TMEM63C: variants seen among roughly 807,000 people sequenced by gnomAD.
TMEM63C encodes osmosensitive cation channel TMEM63C.
In TMEM63C, 32 loss-of-function variants were observed where a neutral mutation model predicts 99.2. The observed-to-expected ratio is 0.32, with a 90% CI of 0.24 to 0.43. TMEM63C has a LOEUF of 0.43. TMEM63C is among the 20% of genes least tolerant of loss of function. The probability of loss-of-function intolerance (pLI) is 1.00; values close to 1 mark genes in which losing one functional copy is unlikely to be tolerated. For missense variants in TMEM63C, 826 were observed against 1,053.0 expected (o/e 0.78, Z 2.98); for synonymous variants, 376 against 397.9 (o/e 0.94, Z 0.66).
Position 77,246,600 on chromosome 14 carries a change from T to G in TMEM63C, c.1536-9T>G. 1 of 1,611,916 alleles carries G rather than the reference T, an allele frequency of 6.2e-7. No individual in the cohort carries two copies. The highest frequency in any genetic ancestry group is 8.5e-7 in the Non-Finnish European group (1 of 1,178,880). ...CTAACTAACAGACCTGCCTTGTTTT[T>G]GCTTCTAGTTTGGATGTCTTTCTCC... On this transcript the variant is annotated splice_polypyrimidine_tract_variant and intron_variant, in intron 17 of 23. Transcript: ENST00000298351.
chr14:77,231,636 C>T lies in TMEM63C; in HGVS notation c.399C>T (p.Ile133=), dbSNP rs200672502. The T allele has an allele frequency of 6.4e-6, 10 of 1,551,638 alleles. No homozygotes were observed. The Admixed American group carries it at 7.8e-5, about 12-fold the overall frequency. ...GTGGGGACGACGCGCGCATCTACAT[C>T]GTGTTCCAGTACCACCTCATCATCT... ...NKCGDDARIY[I]VFQYHLIIFV... The change falls in exon 7 of 24, where the codon ATC becomes ATT. Residue 133 remains isoleucine (I), a synonymous_variant. Transcript: ENST00000298351.
intron 6 of TMEM63C, among the ~76,000 whole-genome samples, chr14:77,227,050 G>A (rs1888841504): frequency 6.6e-6 from 1 of 152,212 alleles, no homozygotes; most frequent in African/African-American, 2.4e-5. Context: ...TTACAGGCAT[G>A]AGCCACCGCA....
chr14:77,239,335 G>T, intron 10 of TMEM63C, 77 bp from the exon 11 acceptor site: 1 of 1,489,544 alleles, frequency 6.7e-7, no homozygotes, highest in Non-Finnish European at 9.3e-7. Flanking sequence ...CCTCAGGGCC[G>T]ACATGCTGGG....
chr14:77,240,469 C>A lies in TMEM63C; in HGVS notation c.931-6C>A. On this transcript the variant is annotated splice_polypyrimidine_tract_variant and splice_region_variant and intron_variant, in intron 12 of 23. Coordinates refer to ENST00000298351, the MANE Select transcript of TMEM63C (RefSeq NM_020431.4). ...CCCCAGCCCTGAAGGCTGCCTGCCA[C>A]CCCAGGTGGATGCAGAGCAGTATTA... 6.2e-7 allele frequency: 1 copy of A among 1,607,370 alleles called. No homozygotes were observed. The highest frequency in any genetic ancestry group is 8.5e-7 in the Non-Finnish European group (1 of 1,179,248).
intron 1 of TMEM63C, among the ~76,000 whole-genome samples, chr14:77,197,730 A>G (rs1888235548): frequency 6.6e-6 from 1 of 152,202 alleles, no homozygotes; most frequent in Non-Finnish European, 1.5e-5. Context: ...ATGACTCCCC[A>G]TTGTCTAGTT....
chr14:77,219,945 G>A, intron 4 of TMEM63C, 61 bp from the exon 5 acceptor site: 1 of 1,490,086 alleles, frequency 6.7e-7, no homozygotes, highest in Non-Finnish European at 9.1e-7. Context: ...GAGGGAGCAG[G>A]GCAGGCAGCT....
chr14:77,220,923 C>G (rs1303827300), intron 5 of TMEM63C, among the ~76,000 whole-genome samples: 796 of 13,684 alleles, frequency 0.058, 173 homozygotes, highest in South Asian at 0.13. Context: ...CTCACGCCTC[C>G]TCTCCCACCC....
At chr14:77,193,455 G>A (rs1372080953) in intron 1 of TMEM63C, among the ~76,000 whole-genome samples, 1 of 152,164 alleles carries the variant, frequency 6.6e-6, no homozygotes, top group Non-Finnish European at 1.5e-5. Flanking sequence ...CAGCACTTTG[G>A]GAGGCTAAGG....
chr14:77,185,889 A>G (rs1031657462), intron 1 of TMEM63C, among the ~76,000 whole-genome samples: 7 of 152,100 alleles, frequency 4.6e-5, no homozygotes, highest in Non-Finnish European at 1.0e-4. Flanking sequence ...AATGGGAGGA[A>G]GCGGAAAGGT....
At chr14:77,246,067 C>A in intron 17 of TMEM63C, 41 bp downstream of exon 17, 3 of 1,502,418 alleles carry the variant, frequency 2.0e-6, no homozygotes, top group Non-Finnish European at 2.8e-6. Flanking sequence ...TAGCCAGGCT[C>A]TCTTAGAGTT....
At chr14:77,235,298 G>A (rs1026097379) in intron 8 of TMEM63C, among the ~76,000 whole-genome samples, 5 of 150,120 alleles carry the variant, frequency 3.3e-5, no homozygotes, top group African/African-American at 1.2e-4. Flanking sequence ...GTGATCGGTG[G>A]GAGGGGAGGG....
intron 1 of TMEM63C, among the ~76,000 whole-genome samples, chr14:77,213,073 C>T (rs929649527): frequency 7.2e-5 from 11 of 152,238 alleles, no homozygotes; most frequent in Non-Finnish European, 1.3e-4. Context: ...CTATTCTACA[C>T]TGTAGCCACT....
chr14:77,216,816 C>T (rs564916363), intron 2 of TMEM63C, among the ~76,000 whole-genome samples: 11 of 152,138 alleles, frequency 7.2e-5, no homozygotes, highest in Non-Finnish European at 1.0e-4. Flanking sequence ...GGACCCTGGC[C>T]GAGCTCTCCG....
At chr14:77,205,792 G>A (rs891358979) in intron 1 of TMEM63C, among the ~76,000 whole-genome samples, 2 of 152,194 alleles carry the variant, frequency 1.3e-5, no homozygotes, top group African/African-American at 4.8e-5. Context: ...CCAGGAGCAG[G>A]CCAGGAGCAG....
rs368350416 is a variant in TMEM63C, at chr14:77,248,758, C to T, written c.1765-9C>T. ...GCCACCTCAGGGTGACACCTGCCTT[C>T]TGCCCCAGAACCAGGCCATAGACTT... On this transcript the variant is annotated splice_polypyrimidine_tract_variant and intron_variant, in intron 19 of 23. Transcript: ENST00000298351. 8 of 1,613,264 alleles carry T rather than the reference C, an allele frequency of 5.0e-6. No homozygotes were observed. The African/African-American group carries it at 1.1e-4, about 22-fold the overall frequency.
chr14:77,215,162 A>T (rs576613988), intron 2 of TMEM63C, among the ~76,000 whole-genome samples: 1 of 152,198 alleles, frequency 6.6e-6, no homozygotes, highest in Non-Finnish European at 1.5e-5. Flanking sequence ...GTTGCCTGGC[A>T]ATCCTGCTCC....
At position 77,239,511 on chromosome 14, in the gene TMEM63C, C is replaced by A; in HGVS notation, c.806+19C>A. ...ATCAGAGGTGAGGCTGCAGCGGGGC[C>A]TTTTGGGGCCCGGGGTGGGGGTAAA... On this transcript the variant is annotated intron_variant, in intron 11 of 23. Coordinates refer to ENST00000298351, the MANE Select transcript of TMEM63C (RefSeq NM_020431.4). The A allele has an allele frequency of 6.2e-7, 1 of 1,612,922 alleles. No homozygotes were observed. The highest frequency in any genetic ancestry group is 1.1e-5 in the South Asian group (1 of 91,060).
At chr14:77,252,425 AG>A (rs1356902076) in intron 22 of TMEM63C, among the ~76,000 whole-genome samples, 1 of 152,094 alleles carries the variant, frequency 6.6e-6, no homozygotes, top group Non-Finnish European at 1.5e-5. Context: ...TCATTAGGAG[AG>A]GGGAGCCAAT....
At chr14:77,223,346 C>T (rs1888758997) in intron 5 of TMEM63C, among the ~76,000 whole-genome samples, 1 of 145,752 alleles carries the variant, frequency 6.9e-6, no homozygotes, top group Non-Finnish European at 1.6e-5. Flanking sequence ...GTGAGGTGGC[C>T]CCCACAGTGT....
Sources: allele counts gnomAD v4.1 joint callset (sites outside exome capture counted in the v4.1 genomes callset), GRCh38; gene constraint gnomAD v4.1.1; transcripts MANE v1.5; gene names NCBI Gene and HGNC (gene_info 2026-07-23, HGNC 2026-07-21).